PDE3A: variants seen among roughly 807,000 people sequenced by gnomAD.
The protein encoded by PDE3A is phosphodiesterase 3A.
In PDE3A, 43 loss-of-function variants were observed where a neutral mutation model predicts 98.3. The observed-to-expected ratio is 0.44, with a 90% CI of 0.34 to 0.56. PDE3A has a LOEUF of 0.56. Ranked by LOEUF, PDE3A falls within the 20% of genes least tolerant of loss-of-function variation. PDE3A has a pLI of 0.01. For missense variants in PDE3A, 1,427 were observed against 1,440.7 expected (o/e 0.99, Z 0.15); for synonymous variants, 663 against 567.9 (o/e 1.17, Z -2.38).
chr12:20,386,382 C>T (rs769549051), intron 1 of PDE3A, among the ~76,000 whole-genome samples: 8 of 149,166 alleles, frequency 5.4e-5, no homozygotes, highest in Non-Finnish European at 1.0e-4. Flanking sequence ...CTCTAATGAT[C>T]GGTGATGTTG....
At chr12:20,614,887 T>C in intron 3 of PDE3A, among the ~76,000 whole-genome samples, 1 of 152,082 alleles carries the variant, frequency 6.6e-6, no homozygotes, top group East Asian at 1.9e-4. Flanking sequence ...ATGTGGTTGG[T>C]TTATTAGGAG....
chr12:20,591,411 T>C (rs1592088690), intron 2 of PDE3A, among the ~76,000 whole-genome samples: 1 of 152,338 alleles, frequency 6.6e-6, no homozygotes, highest in East Asian at 1.9e-4. Flanking sequence ...AATAATACTA[T>C]TTTTCAATTA....
At chr12:20,388,767 C>T (rs1034892221) in intron 1 of PDE3A, among the ~76,000 whole-genome samples, 1 of 152,072 alleles carries the variant, frequency 6.6e-6, no homozygotes, top group Middle Eastern at 3.4e-3. Flanking sequence ...AGTTTCATTT[C>T]CCAGGATTTT....
chr12:20,634,847 G>A, intron 7 of PDE3A, 55 bp from the exon 8 acceptor site: 3 of 1,400,368 alleles, frequency 2.1e-6, no homozygotes, highest in East Asian at 2.3e-5. Flanking sequence ...TTGCTTAAAT[G>A]AGCCCCCTTT....
chr12:20,568,988 C>T (rs997924801), intron 2 of PDE3A, among the ~76,000 whole-genome samples: 1 of 151,784 alleles, frequency 6.6e-6, no homozygotes, highest in Non-Finnish European at 1.5e-5. Context: ...TTAATACCAC[C>T]TGGAAAAAGC....
intron 1 of PDE3A, among the ~76,000 whole-genome samples, chr12:20,469,560 C>T (rs79398427): frequency 0.068 from 10,299 of 152,180 alleles, 738 homozygotes; most frequent in African/African-American, 0.18. Context: ...TAGAAACTGG[C>T]TACTTTGAAT....
intron 2 of PDE3A, among the ~76,000 whole-genome samples, chr12:20,581,699 G>A (rs1943071324): frequency 6.9e-6 from 1 of 145,340 alleles, no homozygotes; most frequent in South Asian, 2.2e-4. Context: ...TGCAAGCTCC[G>A]CCTCCCGGGT....
chr12:20,436,204 T>C (rs561942386), intron 1 of PDE3A, among the ~76,000 whole-genome samples: 1 of 152,270 alleles, frequency 6.6e-6, no homozygotes, highest in African/African-American at 2.4e-5. Flanking sequence ...TTGACAGATT[T>C]CTAAAACTAC....
intron 2 of PDE3A, among the ~76,000 whole-genome samples, chr12:20,602,543 G>A: frequency 6.6e-6 from 1 of 152,120 alleles, no homozygotes; most frequent in East Asian, 1.9e-4. Flanking sequence ...GACTTGCAGT[G>A]CTCTTTGAAC....
chr12:20,603,909 G>T (rs1943652835), intron 2 of PDE3A, among the ~76,000 whole-genome samples: 1 of 152,118 alleles, frequency 6.6e-6, no homozygotes, highest in South Asian at 2.1e-4. Flanking sequence ...GGTGGCTCAC[G>T]CCTGTAATCA....
chr12:20,626,757 C>G lies in PDE3A; in HGVS notation c.1541-3151C>G, dbSNP rs541859296. ...AAGTGATCTGCCCTCCTCGGCCTCC[C>G]AAAGTGCTAGGATTACAGGCATGAG... is the stretch of plus-strand genomic sequence containing the variant. On this transcript the variant is annotated intron_variant, in intron 5 of 15. Coordinates refer to ENST00000359062, the MANE Select transcript of PDE3A (RefSeq NM_000921.5). 8.5e-5 allele frequency among the ~76,000 whole-genome samples: 13 copies of G among 152,288 alleles called. No homozygotes were observed. In the East Asian group the frequency reaches 1.4e-3, roughly 16 times the overall value.
chr12:20,644,214 G>A (rs1281406869), intron 10 of PDE3A, among the ~76,000 whole-genome samples: 4 of 152,106 alleles, frequency 2.6e-5, no homozygotes, highest in African/African-American at 4.8e-5. Context: ...TACCGATGGA[G>A]GCAGAAGATA....
chr12:20,440,071 A>C (rs2120838748), intron 1 of PDE3A, among the ~76,000 whole-genome samples: 1 of 152,300 alleles, frequency 6.6e-6, no homozygotes, highest in African/African-American at 2.4e-5. Flanking sequence ...AGAATTTAAA[A>C]GTCATTGTAT....
chr12:20,633,173 A>G (rs10841579), intron 6 of PDE3A, among the ~76,000 whole-genome samples: 50,167 of 151,540 alleles, frequency 0.33, 8,891 homozygotes, highest in East Asian at 0.59. Context: ...CTGGTCTTGA[A>G]CTCCTGACCT....
intron 1 of PDE3A, among the ~76,000 whole-genome samples, chr12:20,536,671 G>T (rs12580359): frequency 0.28 from 42,275 of 151,844 alleles, 7,000 homozygotes; most frequent in East Asian, 0.54. Context: ...CTTTCACTTA[G>T]CATAATGTTT....
intron 1 of PDE3A, among the ~76,000 whole-genome samples, chr12:20,508,474 A>T (rs574483925): frequency 6.6e-6 from 1 of 151,566 alleles, no homozygotes; most frequent in East Asian, 1.9e-4. Context: ...AGTGTCTGGT[A>T]CATAATAGTT....
chr12:20,551,957 G>A lies in PDE3A; in HGVS notation c.961-4703G>A, dbSNP rs1342062743. On this transcript the variant is annotated intron_variant, in intron 1 of 15. Coordinates refer to ENST00000359062, the MANE Select transcript of PDE3A (RefSeq NM_000921.5). ...CAGGTCAGCGAGTCGGGTGTCCATCGGCCCCACGTGGCTGGCATCCATGGC... is the reference window on the plus strand; with the variant it reads ...CAGGTCAGCGAGTCGGGTGTCCATCAGCCCCACGTGGCTGGCATCCATGGC... 1.9e-5 allele frequency: 30 copies of A among 1,612,676 alleles called. 1 individual carries two copies. The highest frequency in any genetic ancestry group is 2.3e-5 in the Non-Finnish European group (27 of 1,179,892).
chr12:20,419,526 G>T lies in PDE3A; in HGVS notation c.960+49282G>T, dbSNP rs1591911627. Reference sequence around the variant, plus strand: ...TCTCTAAAAGACGCTGTGTTTTTTAGTTCCAAGGATGCTTTTCAAAATATC... The same window carrying T: ...TCTCTAAAAGACGCTGTGTTTTTTATTTCCAAGGATGCTTTTCAAAATATC... On this transcript the variant is annotated intron_variant, in intron 1 of 15. Coordinates refer to ENST00000359062, the MANE Select transcript of PDE3A (RefSeq NM_000921.5). Among the ~76,000 whole-genome samples, 4 of 151,594 alleles carry T rather than the reference G, an allele frequency of 2.6e-5. No individual in the cohort carries two copies. In the South Asian group the frequency reaches 8.3e-4, roughly 32 times the overall value.
At chr12:20,437,914 T>C (rs1359791274) in intron 1 of PDE3A, among the ~76,000 whole-genome samples, 1 of 152,182 alleles carries the variant, frequency 6.6e-6, no homozygotes, top group Non-Finnish European at 1.5e-5. Flanking sequence ...TTGTTTATAT[T>C]AAATAAAGCT....
Sources: gnomAD v4.1 joint callset for allele counts (sites outside exome capture counted in the v4.1 genomes callset) on GRCh38, gnomAD v4.1.1 for gene constraint, MANE v1.5 for transcripts, NCBI Gene and HGNC (gene_info 2026-07-23, HGNC 2026-07-21) for gene names.